The following COL13A1 variants were observed in gnomAD, a reference collection of about 807,000 sequenced individuals.
COL13A1 encodes collagen alpha-1(XIII) chain.
COL13A1 carries 89 observed loss-of-function variants against 130.9 expected under a neutral mutation model. The observed-to-expected ratio is 0.68, with a 90% confidence interval of 0.57 to 0.81. The LOEUF (loss-of-function observed/expected upper bound fraction) is 0.81, where lower values mean the gene tolerates loss of function less well. Ranked by LOEUF, COL13A1 falls within the 30% of genes least tolerant of loss-of-function variation. The probability of loss-of-function intolerance (pLI) is 0.00; values close to 1 mark genes in which losing one functional copy is unlikely to be tolerated. For missense variants in COL13A1, 879 were observed against 934.6 expected, an observed-to-expected ratio of 0.94 and a Z score of 0.78; for synonymous variants, 402 against 341.6, an observed-to-expected ratio of 1.18 and a Z score of -1.95.
At chr10:69,869,992 G>T (rs1321655437) in intron 3 of COL13A1, among the ~76,000 whole-genome samples, 1 of 152,176 alleles carries the variant, frequency 6.6e-6, no homozygotes, top group East Asian at 1.9e-4. Context: ...TAGTGATTAT[G>T]AGCATGGGCT....
Position 69,834,571 on chromosome 10 carries a change from T to A in COL13A1, c.364+12133T>A, listed in dbSNP as rs112196401. Reference sequence around the variant, plus strand: ...ACTTACATTCTGATCAAGCACCCTATGATGTAAGGCTATGGCTATCCACAT... The same window carrying A: ...ACTTACATTCTGATCAAGCACCCTAAGATGTAAGGCTATGGCTATCCACAT... On this transcript the variant is annotated intron_variant, in intron 2 of 40. Transcript: ENST00000645393. Among the ~76,000 whole-genome samples, 210 of 152,330 alleles carry A rather than the reference T, an allele frequency of 1.4e-3. 1 individual carries two copies. The highest frequency in any genetic ancestry group is 4.8e-3 in the African/African-American group (198 of 41,582).
At chr10:69,832,219 T>C (rs1848984323) in intron 2 of COL13A1, among the ~76,000 whole-genome samples, 1 of 152,164 alleles carries the variant, frequency 6.6e-6, no homozygotes, top group South Asian at 2.1e-4. Flanking sequence ...CTATGAAAAA[T>C]GCTGGATGTT....
intron 2 of COL13A1, 38 bp from the exon 3 acceptor site, chr10:69,867,760 A>G (rs897622236): frequency 4.2e-6 from 3 of 718,152 alleles, no homozygotes; most frequent in Non-Finnish European, 7.8e-6. Context: ...CCCCTACAGC[A>G]ATGACACTGA....
At chr10:69,817,647 C>T (rs1214999594) in intron 1 of COL13A1, among the ~76,000 whole-genome samples, 1 of 151,972 alleles carries the variant, frequency 6.6e-6, no homozygotes, top group Non-Finnish European at 1.5e-5. Context: ...TAGCCAGGCT[C>T]GTGGCTTAGT....
intron 38 of COL13A1, among the ~76,000 whole-genome samples, chr10:69,949,169 T>C (rs2068989183): frequency 6.6e-6 from 1 of 152,182 alleles, no homozygotes; most frequent in Non-Finnish European, 1.5e-5. Flanking sequence ...CCCCTCAATC[T>C]TGCCTCCCAT....
chr10:69,802,757 G>A, intron 1 of COL13A1, 40 bp downstream of exon 1: 2 of 1,603,894 alleles, frequency 1.2e-6, no homozygotes, highest in Non-Finnish European at 1.7e-6. Context: ...CCTCCCCGCG[G>A]CGCCCCCTCG....
intron 2 of COL13A1, among the ~76,000 whole-genome samples, chr10:69,840,004 G>A (rs12355979): frequency 0.12 from 18,028 of 152,264 alleles, 1,494 homozygotes; most frequent in East Asian, 0.29. Flanking sequence ...GGAGCCAATA[G>A]GTGTCCTGGA....
chr10:69,908,654 G>A (rs2063045748), intron 17 of COL13A1, among the ~76,000 whole-genome samples: 1 of 152,178 alleles, frequency 6.6e-6, no homozygotes, highest in Non-Finnish European at 1.5e-5. Context: ...CCTGACGCTA[G>A]AGGGCCTGGT....
chr10:69,843,104 A>G (rs1299582279), intron 2 of COL13A1, among the ~76,000 whole-genome samples: 2 of 152,110 alleles, frequency 1.3e-5, no homozygotes, highest in Non-Finnish European at 2.9e-5. Flanking sequence ...TATCTCTTCC[A>G]GCACCCACGT....
chr10:69,840,475 G>C (rs1373085364), intron 2 of COL13A1, among the ~76,000 whole-genome samples: 1 of 152,202 alleles, frequency 6.6e-6, no homozygotes, highest in Non-Finnish European at 1.5e-5. Flanking sequence ...TGTCTGCCTG[G>C]CTGAGGGGGG....
intron 15 of COL13A1, among the ~76,000 whole-genome samples, chr10:69,903,139 A>G (rs2135144697): frequency 6.6e-6 from 1 of 152,346 alleles, no homozygotes; most frequent in Non-Finnish European, 1.5e-5. Context: ...GAATTTGGAA[A>G]GAGAATTCCC....
In COL13A1 at chr10:69,957,029, G is replaced by A; in HGVS notation, c.2171G>A (p.Gly724Asp). 1 of 1,613,770 alleles carries A rather than the reference G, an allele frequency of 6.2e-7. No individual in the cohort carries two copies. The highest frequency in any genetic ancestry group is 1.3e-5 in the African/African-American group (1 of 75,008). The stretch of plus-strand genomic sequence containing the variant: ...GGCGAAGATGGCTTACCAGTCCAAG[G>A]CTGCTGGAACAAGGTAAGGCTTCCC... ...PLGEDGLPVQGCWNK is the reference protein window; with the variant it reads ...PLGEDGLPVQDCWNK Residue 724 changes from glycine to aspartate, a missense_variant, in exon 40 of 41, where the codon GGC (glycine) becomes GAC (aspartate). By Grantham distance (94) the Gly-to-Asp change is moderately conservative. Around this residue, in one of 3 missense-constraint regions of COL13A1, gnomAD observed 68 missense variants for 65.8 expected, o/e 1.03. Transcript: ENST00000645393.
chr10:69,835,347 A>G (rs567244460), intron 2 of COL13A1, among the ~76,000 whole-genome samples: 10 of 152,112 alleles, frequency 6.6e-5, no homozygotes, highest in Non-Finnish European at 1.5e-4. Context: ...AGAAGGTGGG[A>G]CATGCCAGAC....
chr10:69,868,145 AG>A (rs2058712523), intron 3 of COL13A1, among the ~76,000 whole-genome samples: 1 of 146,852 alleles, frequency 6.8e-6, no homozygotes, highest in African/African-American at 2.5e-5. Context: ...AAAAAGCACC[AG>A]GTATTAGAAG....
intron 1 of COL13A1, among the ~76,000 whole-genome samples, chr10:69,804,006 G>A (rs541795626): frequency 1.1e-4 from 16 of 152,094 alleles, no homozygotes; most frequent in Non-Finnish European, 1.6e-4. Flanking sequence ...CAGAGAGAGC[G>A]GTCACAGGGC....
At chr10:69,954,244 G>A (rs1233592156) in intron 39 of COL13A1, among the ~76,000 whole-genome samples, 2 of 152,184 alleles carry the variant, frequency 1.3e-5, no homozygotes, top group South Asian at 2.1e-4. Flanking sequence ...AAAGTTTACT[G>A]GGATGTTTCC....
At chr10:69,862,997 G>A (rs968093614) in intron 2 of COL13A1, among the ~76,000 whole-genome samples, 12 of 152,270 alleles carry the variant, frequency 7.9e-5, no homozygotes, top group Non-Finnish European at 1.6e-4. Flanking sequence ...GGGATCCCAA[G>A]AGTTGGCAAA....
intron 38 of COL13A1, among the ~76,000 whole-genome samples, chr10:69,950,040 C>T (rs1428350982): frequency 2.8e-5 from 3 of 108,626 alleles, no homozygotes; most frequent in Non-Finnish European, 6.0e-5. Flanking sequence ...GTCTTGTCTC[C>T]TCACTTCTTC....
chr10:69,944,022 A>G, intron 35 of COL13A1, 103 bp from the exon 36 acceptor site: 1 of 938,528 alleles, frequency 1.1e-6, no homozygotes, highest in Admixed American at 2.0e-5. Context: ...GCCAACTCTG[A>G]AAACTGGGCC....
Sources: gnomAD v4.1 joint callset for allele counts (sites outside exome capture counted in the v4.1 genomes callset) on GRCh38, gnomAD v4.1.1 for gene constraint, gnomAD v4.1.1 regional missense constraint, MANE v1.5 for transcripts, NCBI Gene and HGNC (gene_info 2026-07-23, HGNC 2026-07-21) for gene names.